Variants in MTMR10 observed in about 807,000 individuals in gnomAD.
MTMR10 encodes myotubularin-related protein 10.
Under a neutral mutation model 88.1 loss-of-function variants are expected in MTMR10, and 56 were observed. The observed-to-expected ratio is 0.64, with a 90% CI of 0.51 to 0.79. The LOEUF (loss-of-function observed/expected upper bound fraction) is 0.79, where lower values mean the gene tolerates loss of function less well. MTMR10 is among the 30% of genes least tolerant of loss of function. The pLI is 0.00. For missense variants in MTMR10, 883 were observed against 924.7 expected, an observed-to-expected ratio of 0.95 and a Z score of 0.58; for synonymous variants, 380 against 340.9, an observed-to-expected ratio of 1.11 and a Z score of -1.26.
chr15:30,967,953 A>T lies in MTMR10; in HGVS notation c.532T>A (p.Phe178Ile). 1 of 1,570,486 alleles carries T rather than the reference A, an allele frequency of 6.4e-7. No individual in the cohort carries two copies. Among genetic ancestry groups the T allele is most frequent in the Non-Finnish European group, 8.6e-7 (1 of 1,156,426 alleles). Reference sequence around the variant, plus strand: ...TGGTATTTTTTCCCAACATATTCAAATGCAAAGAGTAGCTGGAGGTCTGTT... The same window carrying T: ...TGGTATTTTTTCCCAACATATTCAATTGCAAAGAGTAGCTGGAGGTCTGTT... The part of the protein sequence containing the change: ...QPTDLQLLFA[F>I]EYVGKKYHNS... Residue 178 changes from phenylalanine to isoleucine, a missense_variant, in exon 6 of 16, where the codon TTT becomes ATT. This residue lies in a region of MTMR10 where 414 missense variants were observed against 423.2 expected (regional missense o/e 0.98). Coordinates refer to ENST00000435680, the MANE Select transcript of MTMR10 (RefSeq NM_017762.3).
the MTMR10 span, among the ~76,000 whole-genome samples, chr15:30,921,844 C>T: frequency 6.6e-6 from 1 of 152,206 alleles, no homozygotes; most frequent in Non-Finnish European, 1.5e-5. Flanking sequence ...CCCCAAATCC[C>T]TCTTGCAGTT....
intron 2 of MTMR10, among the ~76,000 whole-genome samples, chr15:30,985,775 T>C (rs950912505): frequency 1.3e-5 from 2 of 152,180 alleles, no homozygotes; most frequent in Non-Finnish European, 2.9e-5. Context: ...CAACACACAT[T>C]AGTGCACTTC....
chr15:30,938,829 G>T, downstream of MTMR10: 1 of 855,490 alleles, frequency 1.2e-6, no homozygotes, highest in Non-Finnish European at 1.4e-6. Context: ...TGGCTTTAGA[G>T]GGCAAGCAGA....
chr15:30,957,498 G>T (rs1595921975), intron 9 of MTMR10, among the ~76,000 whole-genome samples: 1 of 152,290 alleles, frequency 6.6e-6, no homozygotes, highest in South Asian at 2.1e-4. Flanking sequence ...CGAGGCGGGT[G>T]GATCACCTGA....
downstream of MTMR10, among the ~76,000 whole-genome samples, chr15:30,936,815 GTGGC>G (rs1318823126): frequency 6.6e-6 from 1 of 152,174 alleles, no homozygotes; most frequent in Non-Finnish European, 1.5e-5. Flanking sequence ...TCATGATCAT[GTGGC>G]TGACTGGGAG....
chr15:30,948,672 G>T (rs773265293), intron 12 of MTMR10: 3 of 585,440 alleles, frequency 5.1e-6, no homozygotes, highest in Non-Finnish European at 6.0e-6. Context: ...AATAGGAGAT[G>T]GTCTTTTATA....
downstream of MTMR10, chr15:30,937,207 A>C: frequency 6.2e-7 from 1 of 1,614,170 alleles, no homozygotes; most frequent in Non-Finnish European, 8.5e-7. Flanking sequence ...GCTGAAGTAG[A>C]AGTCTGCCAT....
intron 2 of MTMR10, among the ~76,000 whole-genome samples, chr15:30,977,203 T>C (rs2030218051): frequency 6.6e-6 from 1 of 152,232 alleles, no homozygotes; most frequent in African/African-American, 2.4e-5. Flanking sequence ...AAAGGCTGAC[T>C]TCAGTGTACT....
At chr15:30,932,221 C>CAAA in the MTMR10 span, among the ~76,000 whole-genome samples, 48 of 49,422 alleles carry the variant, frequency 9.7e-4, no homozygotes, top group East Asian at 3.3e-3. Context: ...GACTCCATCT[C>CAAA]AAAAAAAAAA....
chr15:30,925,080 C>T, the MTMR10 span: 2 of 1,558,504 alleles, frequency 1.3e-6, no homozygotes, highest in Admixed American at 3.9e-5. Context: ...ATGGAAGCCG[C>T]CATGGGTTTT....
In MTMR10 at chr15:30,948,422, C is replaced by G; in HGVS notation, c.1257G>C (p.Val419=). The G allele has an allele frequency of 6.2e-7, 1 of 1,612,782 alleles. No individual in the cohort carries two copies. The highest frequency in any genetic ancestry group is 8.5e-7 in the Non-Finnish European group (1 of 1,179,268). The change falls in exon 13 of 16, where the codon GTG becomes GTC. Residue 419 remains valine (V), a synonymous_variant. Coordinates refer to ENST00000435680, the MANE Select transcript of MTMR10 (RefSeq NM_017762.3). ...LSCCVASLVQ[V]MLDPYFRTIT... ...TTGTCCTAAAATAGGGATCCAGCATCACTTGAACAAGAGAAGCTACACAAC... is the reference window on the plus strand; with the variant it reads ...TTGTCCTAAAATAGGGATCCAGCATGACTTGAACAAGAGAAGCTACACAAC...
At chr15:30,966,075 C>T in intron 6 of MTMR10, 1 of 453,766 alleles carries the variant, frequency 2.2e-6, no homozygotes, top group South Asian at 1.6e-5. Flanking sequence ...AAGGATGTTA[C>T]CCTACGAGGA....
intron 2 of MTMR10, among the ~76,000 whole-genome samples, chr15:30,987,667 CT>C (rs1443229603): frequency 5.3e-5 from 8 of 149,688 alleles, no homozygotes; most frequent in African/African-American, 1.9e-4. Flanking sequence ...TACCATATCT[CT>C]AACAATTAAT....
At chr15:30,975,055 T>A (rs2030016173) in intron 3 of MTMR10, 52 bp from the exon 4 acceptor site, 1 of 1,332,306 alleles carries the variant, frequency 7.5e-7, no homozygotes, top group African/African-American at 1.5e-5. Context: ...AATCTCACAA[T>A]GGTAGTATAA....
chr15:30,929,862 A>C, the MTMR10 span, among the ~76,000 whole-genome samples: 3 of 60,342 alleles, frequency 5.0e-5, no homozygotes, highest in African/African-American at 9.5e-5. Context: ...TATCATATAT[A>C]ATATATATAA....
chr15:30,934,974 T>C (rs1156781029), downstream of MTMR10, among the ~76,000 whole-genome samples: 1 of 152,214 alleles, frequency 6.6e-6, no homozygotes, highest in East Asian at 1.9e-4. Flanking sequence ...TTTCCAGTGC[T>C]TGCTATTCTT....
At chr15:30,990,637 T>C in intron 2 of MTMR10, 140 bp downstream of exon 2, 2 of 708,152 alleles carry the variant, frequency 2.8e-6, no homozygotes. Flanking sequence ...AGTTCCTTTT[T>C]CTCCTCTCAG....
chr15:30,959,040 CCTT>C lies in MTMR10; in HGVS notation c.837_839del (p.Arg280del). 6.2e-7 allele frequency: 1 copy of C among 1,613,576 alleles called. No individual in the cohort carries two copies. Among genetic ancestry groups the C allele is most frequent in the East Asian group, 2.2e-5 (1 of 44,874 alleles). On this transcript the variant is annotated inframe_deletion, in exon 8 of 16. Transcript: ENST00000435680. Reference sequence around the variant, plus strand: ...TCCAACAGAAATCACTTACTGGCATCCTTCTCCCAACAAAAGAATGGGAAAAGA... The same window carrying C: ...TCCAACAGAAATCACTTACTGGCATCCTCCCAACAAAAGAATGGGAAAAGA...
In MTMR10 at chr15:30,963,829, T is replaced by C. The variant is rs139720007; in HGVS notation, c.566-2756A>G. Reference sequence around the variant, plus strand: ...ATCTCTCCAGAACACAAAACCTGCATATGGAATTTTTGGCAAAGCCCAATC... The same window carrying C: ...ATCTCTCCAGAACACAAAACCTGCACATGGAATTTTTGGCAAAGCCCAATC... On this transcript the variant is annotated intron_variant, in intron 6 of 15. Coordinates refer to ENST00000435680, the MANE Select transcript of MTMR10 (RefSeq NM_017762.3). Among the ~76,000 whole-genome samples, 57 of 152,294 alleles carry C rather than the reference T, an allele frequency of 3.7e-4. 1 individual carries two copies. Among genetic ancestry groups the C allele is most frequent in the Admixed American group, 1.4e-3 (22 of 15,298 alleles).
Sources: allele counts gnomAD v4.1 joint callset (sites outside exome capture counted in the v4.1 genomes callset), GRCh38; gene constraint gnomAD v4.1.1; regional missense constraint gnomAD v4.1.1; transcripts MANE v1.5; gene names NCBI Gene and HGNC (gene_info 2026-07-23, HGNC 2026-07-21).